The following PTPN11 variants were observed in gnomAD, a reference collection of about 807,000 sequenced individuals.
PTPN11 encodes tyrosine-protein phosphatase non-receptor type 11.
Under a neutral mutation model 78.8 loss-of-function variants are expected in PTPN11, and 6 were observed. The ratio of observed to expected loss-of-function variants is 0.08; its 90% CI spans 0.04 to 0.15. PTPN11 has a LOEUF of 0.15. Among genes scored for constraint, PTPN11 ranks in the 10% least tolerant of loss-of-function variants. The pLI is 1.00. For synonymous variants in PTPN11, 221 were observed against 263.5 expected (o/e 0.84, Z 1.56); for missense variants, 386 against 744.8 (o/e 0.52, Z 5.61).
At chr12:112,434,419 C>T (rs966570528) in intron 1 of PTPN11, among the ~76,000 whole-genome samples, 2 of 151,954 alleles carry the variant, frequency 1.3e-5, no homozygotes, top group African/African-American at 4.8e-5. Flanking sequence ...ACCATCCTGG[C>T]CAACATGGTG....
chr12:112,464,607 T>C (rs554269909), intron 6 of PTPN11, among the ~76,000 whole-genome samples: 1 of 152,184 alleles, frequency 6.6e-6, no homozygotes, highest in South Asian at 2.1e-4. Context: ...GTATTTTTAG[T>C]AGGGATGGGA....
intron 1 of PTPN11, among the ~76,000 whole-genome samples, chr12:112,419,393 A>G (rs1463194195): frequency 6.6e-6 from 1 of 152,106 alleles, no homozygotes; most frequent in Admixed American, 6.5e-5. Flanking sequence ...CGGGGCAGGT[A>G]GAGCCGCCGA....
At chr12:112,496,467 T>G (rs1365722498) in intron 13 of PTPN11, among the ~76,000 whole-genome samples, 1 of 152,178 alleles carries the variant, frequency 6.6e-6, no homozygotes, top group African/African-American at 2.4e-5. Context: ...TCTCAGCAGA[T>G]AGAGCTAGAA....
At chr12:112,435,647 GTT>G (rs552552504) in intron 1 of PTPN11, among the ~76,000 whole-genome samples, 1,566 of 135,680 alleles carry the variant, frequency 0.012, 24 homozygotes, top group African/African-American at 0.035. Context: ...TAGGATTAAG[GTT>G]TTTTTTTTTT....
At chr12:112,478,295 G>A (rs558420766) in intron 9 of PTPN11, among the ~76,000 whole-genome samples, 1 of 152,006 alleles carries the variant, frequency 6.6e-6, no homozygotes, top group South Asian at 2.1e-4. Flanking sequence ...ATCCTGGGCT[G>A]GGCATGGTGG....
chr12:112,481,806 TAAAC>T (rs2038599560), intron 9 of PTPN11, among the ~76,000 whole-genome samples: 1 of 150,904 alleles, frequency 6.6e-6, no homozygotes, highest in East Asian at 2.0e-4. Flanking sequence ...TCTTTACAGA[TAAAC>T]AAACATTGAC....
chr12:112,476,226 T>C (rs1450114973), intron 7 of PTPN11, among the ~76,000 whole-genome samples: 1 of 152,152 alleles, frequency 6.6e-6, no homozygotes. Flanking sequence ...AGAATATCGC[T>C]TTTTCCTCCC....
At chr12:112,446,141 G>C in intron 1 of PTPN11, 135 bp from the exon 2 acceptor site, 1 of 1,093,002 alleles carries the variant, frequency 9.1e-7, no homozygotes, top group Non-Finnish European at 1.3e-6. Context: ...AGAGGGGGAA[G>C]GGACAGGGAA....
chr12:112,442,832 A>ATT (rs1191469814), intron 1 of PTPN11, among the ~76,000 whole-genome samples: 2 of 15,612 alleles, frequency 1.3e-4, no homozygotes, highest in African/African-American at 8.1e-4. Flanking sequence ...CTCTCTTTTT[A>ATT]TATATATATA....
At chr12:112,470,233 ATGC>A (rs2038393977) in intron 6 of PTPN11, among the ~76,000 whole-genome samples, 1 of 152,192 alleles carries the variant, frequency 6.6e-6, no homozygotes, top group South Asian at 2.1e-4. Flanking sequence ...GGTGGTGCTA[ATGC>A]TGCTGGTCTA....
intron 1 of PTPN11, among the ~76,000 whole-genome samples, chr12:112,427,597 A>C (rs2037641131): frequency 6.6e-6 from 1 of 151,730 alleles, no homozygotes; most frequent in African/African-American, 2.4e-5. Context: ...AGATATAGAT[A>C]TAGATAATGC....
chr12:112,440,877 C>T (rs1476214308), intron 1 of PTPN11, among the ~76,000 whole-genome samples: 1 of 151,164 alleles, frequency 6.6e-6, no homozygotes, highest in Admixed American at 6.6e-5. Flanking sequence ...GGCCCAGACT[C>T]AATCTTCTGA....
chr12:112,446,351 G>C lies in PTPN11; in HGVS notation c.90G>C (p.Leu30Phe). 1 of 1,614,066 alleles carries C rather than the reference G, an allele frequency of 6.2e-7. No homozygotes were observed. Among genetic ancestry groups the C allele is most frequent in the Non-Finnish European group, 8.5e-7 (1 of 1,179,980 alleles). The stretch of plus-strand genomic sequence containing the variant: ...CAAGAGGAGTTGATGGCAGTTTTTT[G>C]GCAAGGCCTAGTAAAAGTAACCCTG... ...LLTRGVDGSF[L>F]ARPSKSNPGD... The change falls in exon 2 of 16, where the codon TTG becomes TTC. Residue 30 changes from leucine (L) to phenylalanine (F), a missense_variant. Leu to Phe is a conservative substitution (Grantham distance 22). Coordinates refer to ENST00000351677, the MANE Select transcript of PTPN11 (RefSeq NM_002834.5).
intron 2 of PTPN11, among the ~76,000 whole-genome samples, chr12:112,448,324 ACT>A (rs1283619194): frequency 2.0e-5 from 3 of 150,348 alleles, no homozygotes. Flanking sequence ...GATTTTCATG[ACT>A]CAGCCACCTA....
rs569616008 is a variant in PTPN11, at chr12:112,478,155, A to T, written c.1092+140A>T. On this transcript the variant is annotated intron_variant, in intron 9 of 15. Coordinates refer to ENST00000351677, the MANE Select transcript of PTPN11 (RefSeq NM_002834.5). Reference sequence around the variant, plus strand: ...GAAAAAAGGGACTAGGAGAAATTTGATTATGTTATTCCTTGGTGTAGTTTT... The same window carrying T: ...GAAAAAAGGGACTAGGAGAAATTTGTTTATGTTATTCCTTGGTGTAGTTTT... 1.1e-4 allele frequency: 105 copies of T among 978,416 alleles called. No individual in the cohort carries two copies. The South Asian group carries it at 1.6e-3, about 15-fold the overall frequency. The allele number at this position is 978,416 out of a possible 1,614,324, so 60.6% of individuals were successfully genotyped here.
At chr12:112,465,612 A>G (rs1423021697) in intron 6 of PTPN11, among the ~76,000 whole-genome samples, 4 of 151,618 alleles carry the variant, frequency 2.6e-5, no homozygotes, top group African/African-American at 9.7e-5. Flanking sequence ...TTCCTCCTCT[A>G]ACTCCCCTCT....
chr12:112,497,962 G>A lies in PTPN11; in HGVS notation c.1600-4182G>A, dbSNP rs370673369. On this transcript the variant is annotated intron_variant, in intron 13 of 15. Transcript: ENST00000351677. ...GAGGCCAAGAGTTTGAGACTAGCCT[G>A]GGCAACATGGTGAAACCCTGTCTCT... Among the ~76,000 whole-genome samples, 18 of 152,212 alleles carry A rather than the reference G, an allele frequency of 1.2e-4. No homozygotes were observed. In the South Asian group the frequency reaches 3.7e-3, roughly 32 times the overall value.
At chr12:112,456,783 A>G (rs539989554) in intron 6 of PTPN11, among the ~76,000 whole-genome samples, 2 of 150,978 alleles carry the variant, frequency 1.3e-5, no homozygotes, top group Non-Finnish European at 2.9e-5. Context: ...TTTTGTAGAG[A>G]TGGGGTTTTG....
chr12:112,500,913 T>C (rs2038867272), intron 13 of PTPN11, among the ~76,000 whole-genome samples: 1 of 151,964 alleles, frequency 6.6e-6, no homozygotes. Flanking sequence ...TTTTTAGAGA[T>C]GGGTCTCGCT....
Sources: gnomAD v4.1 joint callset for allele counts (sites outside exome capture counted in the v4.1 genomes callset) on GRCh38, gnomAD v4.1.1 for gene constraint, MANE v1.5 for transcripts, NCBI Gene and HGNC (gene_info 2026-07-23, HGNC 2026-07-21) for gene names.